Variants in PTPRS observed in about 807,000 individuals in gnomAD.
PTPRS encodes receptor-type tyrosine-protein phosphatase S.
PTPRS carries 63 observed loss-of-function variants against 215.3 expected under a neutral mutation model. The observed-to-expected ratio is 0.29, with a 90% CI of 0.24 to 0.36. The LOEUF is 0.36. PTPRS is among the 10% of genes least tolerant of loss of function. The pLI, the probability that PTPRS is intolerant of heterozygous loss-of-function variation, is 1.00. For synonymous variants in PTPRS, 1,404 were observed against 1,191.4 expected (o/e 1.18, Z -3.68); for missense variants, 2,258 against 2,825.8 (o/e 0.80, Z 4.56).
chr19:5,291,919 T>G (rs531114766), intron 1 of PTPRS, among the ~76,000 whole-genome samples: 2 of 150,244 alleles, frequency 1.3e-5, no homozygotes, highest in East Asian at 4.1e-4. Context: ...TCCCCCCCAC[T>G]TGTGGCCCCT....
At chr19:5,254,716 C>A (rs561325968) in intron 9 of PTPRS, among the ~76,000 whole-genome samples, 2 of 152,090 alleles carry the variant, frequency 1.3e-5, no homozygotes, top group Non-Finnish European at 2.9e-5. Context: ...CGCCTGTGAC[C>A]GGGCTCAGAG....
intron 1 of PTPRS, among the ~76,000 whole-genome samples, chr19:5,324,290 T>C (rs953377022): frequency 6.8e-6 from 1 of 146,952 alleles, no homozygotes; most frequent in African/African-American, 2.5e-5. Context: ...CTGTGTACAG[T>C]ACTCAGCGCA....
chr19:5,207,894 C>T, intron 37 of PTPRS, 28 bp downstream of exon 37: 2 of 1,609,192 alleles, frequency 1.2e-6, no homozygotes, highest in Non-Finnish European at 8.5e-7. Context: ...TGAGGCCAGG[C>T]TGCCTCCCCT....
intron 14 of PTPRS, 24 bp downstream of exon 14, chr19:5,231,286 C>G (rs752559727): frequency 6.3e-7 from 1 of 1,579,046 alleles, no homozygotes; most frequent in South Asian, 1.1e-5. Context: ...TGCGGGGGGT[C>G]CCGGGCCTGG....
rs964966640 is a variant in PTPRS at position 5,224,988 on chromosome 19, CCCACCA to C, written c.2494+733_2494+738del. On this transcript the variant is annotated intron_variant, in intron 17 of 37. Transcript: ENST00000262963. ...TCCTGAAACACCCGAGCTTGTTCCG[CCCACCA>C]CCACCACCACCACGCCCCACCCCCC... Among the ~76,000 whole-genome samples, 97 of 151,850 alleles carry C rather than the reference CCCACCA, an allele frequency of 6.4e-4. 1 individual carries two copies. The highest frequency in any genetic ancestry group is 1.6e-3 in the Admixed American group (24 of 15,252).
At position 5,257,089 on chromosome 19, in the gene PTPRS, G is replaced by A. The variant is rs1435240429; in HGVS notation, c.706+928C>T. Reference sequence around the variant, plus strand: ...CAGAAACAGCGACTAGGAGGTGAAAGGGAGGAGGAGGAGGAAGACTACAAC... The same window carrying A: ...CAGAAACAGCGACTAGGAGGTGAAAAGGAGGAGGAGGAGGAAGACTACAAC... On this transcript the variant is annotated intron_variant, in intron 8 of 37. Coordinates refer to ENST00000262963, the MANE Select transcript of PTPRS (RefSeq NM_002850.4). This position sits in a 1 kb window ranked among gnomAD's most constrained non-coding sequence, Gnocchi z 4.4. Among the ~76,000 whole-genome samples the A allele has an allele frequency of 6.6e-6, 1 of 150,786 alleles. No homozygotes were observed. The highest frequency in any genetic ancestry group is 2.4e-5 in the African/African-American group (1 of 40,936).
At chr19:5,304,034 A>T (rs1470637065) in intron 1 of PTPRS, among the ~76,000 whole-genome samples, 1 of 152,070 alleles carries the variant, frequency 6.6e-6, no homozygotes, top group Non-Finnish European at 1.5e-5. Flanking sequence ...GGAATGAAAA[A>T]CTGTCACACC....
chr19:5,328,221 A>G (rs1371169276), intron 1 of PTPRS, among the ~76,000 whole-genome samples: 1 of 152,010 alleles, frequency 6.6e-6, no homozygotes, highest in African/African-American at 2.4e-5. Context: ...GGTTCAAGCG[A>G]TTCTCCTGAC....
chr19:5,273,362 ACTTTCATGTATTC>A (rs2047083179), intron 4 of PTPRS, 67 bp downstream of exon 4: 40 of 1,600,078 alleles, frequency 2.5e-5, no homozygotes, highest in Non-Finnish European at 3.4e-5. Flanking sequence ...GTTTGGGGTA[ACTTTCATGTATTC>A]CTTTTGTGCT....
chr19:5,333,775 C>G (rs1229047298), intron 1 of PTPRS, among the ~76,000 whole-genome samples: 1 of 152,142 alleles, frequency 6.6e-6, no homozygotes. Context: ...AGCCCAAGCC[C>G]CACAGCTGCT....
chr19:5,285,947 G>A (rs1311881077), intron 2 of PTPRS, 103 bp downstream of exon 2: 2 of 1,070,510 alleles, frequency 1.9e-6, no homozygotes, highest in Non-Finnish European at 2.7e-6. Flanking sequence ...AAAATGGAGG[G>A]CCCCAGGGAG....
Position 5,293,525 on chromosome 19 carries a change from C to A in PTPRS, c.-94-7291G>T, listed in dbSNP as rs915078415. ...ACCCCTCCCTCCCGAAGACGTCTCA[C>A]GGGGAGCCTCTACACTGCTCCTCGC... On this transcript the variant is annotated intron_variant, in intron 1 of 37. Transcript: ENST00000262963. The surrounding 1 kb of genome is among the most constrained non-coding windows in gnomAD (Gnocchi z 8.4). Among the ~76,000 whole-genome samples the A allele has an allele frequency of 5.9e-5, 9 of 152,164 alleles. No individual in the cohort carries two copies. The highest frequency in any genetic ancestry group is 1.0e-4 in the Non-Finnish European group (7 of 68,014).
chr19:5,265,991 G>A (rs185516789), intron 4 of PTPRS, among the ~76,000 whole-genome samples: 1 of 152,222 alleles, frequency 6.6e-6, no homozygotes, highest in Non-Finnish European at 1.5e-5. Flanking sequence ...TGGACGCGGT[G>A]GCTCATGCCT....
chr19:5,254,161 C>T (rs143870404), intron 9 of PTPRS, among the ~76,000 whole-genome samples: 163 of 152,296 alleles, frequency 1.1e-3, no homozygotes, highest in African/African-American at 3.7e-3. Flanking sequence ...GGCTGGGAGA[C>T]CCCTTTCTGC....
chr19:5,206,869 T>C, intron 37 of PTPRS, 27 bp from the exon 38 acceptor site: 2 of 1,605,342 alleles, frequency 1.2e-6, no homozygotes, highest in Non-Finnish European at 1.7e-6. Flanking sequence ...GACCTGTTAG[T>C]ACCTCCGCTG....
chr19:5,296,763 G>A (rs1038986328), intron 1 of PTPRS, among the ~76,000 whole-genome samples: 8 of 151,942 alleles, frequency 5.3e-5, no homozygotes, highest in East Asian at 1.9e-4. Context: ...AGATGCGCAC[G>A]GCCTCAGAGG....
At chr19:5,215,995 C>T (rs1331367654) in intron 26 of PTPRS, among the ~76,000 whole-genome samples, 3 of 152,244 alleles carry the variant, frequency 2.0e-5, no homozygotes, top group East Asian at 1.9e-4. Context: ...AAATTGCAGA[C>T]GCAGCCGGCT....
intron 13 of PTPRS, among the ~76,000 whole-genome samples, chr19:5,233,142 G>A (rs2043156202): frequency 6.8e-6 from 1 of 147,810 alleles, no homozygotes; most frequent in Non-Finnish European, 1.5e-5. Context: ...TACGTGTCAA[G>A]CATTGTGCTA....
chr19:5,317,881 T>C (rs1419994783), intron 1 of PTPRS, among the ~76,000 whole-genome samples: 1 of 151,352 alleles, frequency 6.6e-6, no homozygotes, highest in Non-Finnish European at 1.5e-5. Flanking sequence ...ATTAAAAATA[T>C]GAAAATTAGG....
Sources: gnomAD v4.1 joint callset for allele counts (sites outside exome capture counted in the v4.1 genomes callset) on GRCh38, gnomAD v4.1.1 for gene constraint, Gnocchi (gnomAD v3.1) non-coding constraint, MANE v1.5 for transcripts, NCBI Gene and HGNC (gene_info 2026-07-23, HGNC 2026-07-21) for gene names.